Variants in PRKG1 observed in about 807,000 individuals in gnomAD.
PRKG1 encodes the protein protein kinase cGMP-dependent 1.
A neutral mutation model predicts 88.1 loss-of-function variants in PRKG1; 35 were observed. The ratio of observed to expected loss-of-function variants is 0.40; its 90% CI spans 0.30 to 0.53. The LOEUF (loss-of-function observed/expected upper bound fraction) is 0.53, where lower values mean the gene tolerates loss of function less well. PRKG1 is among the 20% of genes least tolerant of loss of function. The pLI is 0.59. For missense variants in PRKG1, 540 were observed against 839.8 expected, an observed-to-expected ratio of 0.64 and a Z score of 4.41; for synonymous variants, 303 against 292.5, an observed-to-expected ratio of 1.04 and a Z score of -0.37.
At chr10:51,304,729 C>T (rs927248665) in intron 2 of PRKG1, among the ~76,000 whole-genome samples, 16 of 146,666 alleles carry the variant, frequency 1.1e-4, no homozygotes, top group Admixed American at 1.4e-4. Context: ...TGAGAACATG[C>T]GGTGTTTGGT....
intron 1 of PRKG1, among the ~76,000 whole-genome samples, chr10:51,137,039 C>T (rs1350890906): frequency 6.6e-6 from 1 of 152,070 alleles, no homozygotes; most frequent in African/African-American, 2.4e-5. Context: ...CGCCCGCCAC[C>T]ATGCCTGGCT....
At chr10:51,494,178 C>T (rs897389770) in intron 3 of PRKG1, among the ~76,000 whole-genome samples, 3 of 152,188 alleles carry the variant, frequency 2.0e-5, no homozygotes, top group African/African-American at 7.2e-5. Flanking sequence ...CCACCCCACT[C>T]TCTCAGTTCA....
intron 2 of PRKG1, among the ~76,000 whole-genome samples, chr10:51,295,448 G>C (rs1437090727): frequency 1.3e-5 from 2 of 151,980 alleles, no homozygotes; most frequent in African/African-American, 4.8e-5. Flanking sequence ...TTTGTGTATA[G>C]AACATGACTT....
At chr10:51,583,697 A>G (rs1020965162) in intron 3 of PRKG1, among the ~76,000 whole-genome samples, 13 of 152,106 alleles carry the variant, frequency 8.5e-5, no homozygotes, top group African/African-American at 3.1e-4. Flanking sequence ...TTTTGAAATA[A>G]TTACTGGAAA....
intron 1 of PRKG1, among the ~76,000 whole-genome samples, chr10:51,127,346 A>G (rs1845454543): frequency 6.6e-6 from 1 of 152,212 alleles, no homozygotes; most frequent in African/African-American, 2.4e-5. Flanking sequence ...TTGCCAAGAA[A>G]CATATGAAAA....
At chr10:51,508,639 A>G (rs897654867) in intron 3 of PRKG1, among the ~76,000 whole-genome samples, 10 of 152,110 alleles carry the variant, frequency 6.6e-5, no homozygotes, top group African/African-American at 2.4e-4. Context: ...AATTTTTCTC[A>G]TAATAGATCT....
At chr10:52,217,276 G>A (rs562428467) in intron 9 of PRKG1, among the ~76,000 whole-genome samples, 2 of 152,052 alleles carry the variant, frequency 1.3e-5, no homozygotes, top group East Asian at 3.9e-4. Flanking sequence ...CCTGGGAGAG[G>A]CTAGAGTTAT....
chr10:51,658,566 A>ATGCT (rs534665938), intron 3 of PRKG1, among the ~76,000 whole-genome samples: 11 of 150,738 alleles, frequency 7.3e-5, no homozygotes, highest in East Asian at 5.8e-4. Context: ...TAGAAAACTG[A>ATGCT]TGCTGTGAGG....
At chr10:51,490,776 G>A (rs957709676) in intron 3 of PRKG1, among the ~76,000 whole-genome samples, 1 of 152,078 alleles carries the variant, frequency 6.6e-6, no homozygotes, top group African/African-American at 2.4e-5. Context: ...AGGTGATATA[G>A]TTTTTCAGGA....
At chr10:52,001,555 G>A (rs866007679) in intron 5 of PRKG1, among the ~76,000 whole-genome samples, 4 of 151,318 alleles carry the variant, frequency 2.6e-5, no homozygotes, top group African/African-American at 4.9e-5. Context: ...TATAGATGAG[G>A]GATTTTTTTT....
chr10:52,122,011 T>C (rs1036895997), intron 7 of PRKG1, among the ~76,000 whole-genome samples: 3 of 152,214 alleles, frequency 2.0e-5, no homozygotes, highest in Non-Finnish European at 4.4e-5. Flanking sequence ...AGCTATTTTG[T>C]GCAGCTATAA....
At chr10:51,465,155 G>A (rs1364089787) in intron 2 of PRKG1, among the ~76,000 whole-genome samples, 2 of 152,156 alleles carry the variant, frequency 1.3e-5, no homozygotes, top group East Asian at 3.9e-4. Flanking sequence ...TTTCCTATGG[G>A]GCGAATATCT....
At chr10:51,757,788 C>A (rs887646100) in intron 3 of PRKG1, among the ~76,000 whole-genome samples, 3 of 152,246 alleles carry the variant, frequency 2.0e-5, no homozygotes, top group Non-Finnish European at 2.9e-5. Flanking sequence ...AAAAAAATTA[C>A]AATTAATTTC....
chr10:51,437,580 G>A (rs1838971241), intron 2 of PRKG1, among the ~76,000 whole-genome samples: 2 of 151,878 alleles, frequency 1.3e-5, no homozygotes, highest in South Asian at 2.1e-4. Flanking sequence ...CATGATGATA[G>A]TGAGTAGATA....
intron 2 of PRKG1, among the ~76,000 whole-genome samples, chr10:51,352,823 A>G (rs867944938): frequency 6.6e-6 from 1 of 152,196 alleles, no homozygotes; most frequent in Non-Finnish European, 1.5e-5. Flanking sequence ...AGCAAAAATA[A>G]CAAAACTGGA....
intron 3 of PRKG1, among the ~76,000 whole-genome samples, chr10:51,522,613 A>T (rs1445199199): frequency 2.0e-5 from 3 of 152,172 alleles, no homozygotes; most frequent in African/African-American, 7.2e-5. Flanking sequence ...GTGTATGTGA[A>T]TGAGGGTGTG....
intron 1 of PRKG1, among the ~76,000 whole-genome samples, chr10:51,016,300 G>A (rs528391368): frequency 6.6e-6 from 1 of 152,266 alleles, no homozygotes; most frequent in African/African-American, 2.4e-5. Flanking sequence ...TTACCTGAAA[G>A]TTTTAAAGCT....
At chr10:51,209,981 G>A (rs1053358310) in intron 2 of PRKG1, among the ~76,000 whole-genome samples, 2 of 152,072 alleles carry the variant, frequency 1.3e-5, no homozygotes, top group South Asian at 2.1e-4. Context: ...CTGGCATAGT[G>A]TTTGAAAACC....
chr10:51,453,999 G>T (rs1839510404), intron 2 of PRKG1, among the ~76,000 whole-genome samples: 1 of 151,972 alleles, frequency 6.6e-6, no homozygotes, highest in Non-Finnish European at 1.5e-5. Context: ...TTTTACAACA[G>T]CTGCTCAAAA....
Sources: allele counts gnomAD v4.1 joint callset (sites outside exome capture counted in the v4.1 genomes callset), GRCh38; gene constraint gnomAD v4.1.1; transcripts MANE v1.5; gene names NCBI Gene and HGNC (gene_info 2026-07-23, HGNC 2026-07-21).